ITGB6: variants seen among roughly 807,000 people sequenced by gnomAD.
ITGB6 encodes integrin beta-6.
Under a neutral mutation model 84.5 loss-of-function variants are expected in ITGB6, and 80 were observed. That is an observed-to-expected ratio of 0.95 (90% CI 0.79 to 1.14). The LOEUF (loss-of-function observed/expected upper bound fraction) is 1.14. Ranked by LOEUF, ITGB6 falls within the 50% of genes most tolerant of loss-of-function variation. ITGB6 has a pLI of 0.00. For synonymous variants in ITGB6, 383 were observed against 354.9 expected (o/e 1.08, Z -0.89); for missense variants, 1,006 against 968.0 (o/e 1.04, Z -0.52).
intron 4 of ITGB6, among the ~76,000 whole-genome samples, chr2:160,188,504 C>A (rs992226673): frequency 6.6e-6 from 1 of 152,110 alleles, no homozygotes; most frequent in South Asian, 2.1e-4. Context: ...CTGGTCTCCC[C>A]CTAATCACAC....
intron 10 of ITGB6, among the ~76,000 whole-genome samples, chr2:160,136,303 C>G (rs993662621): frequency 1.2e-4 from 18 of 152,168 alleles, no homozygotes; most frequent in South Asian, 4.1e-4. Flanking sequence ...TGAAAAAATG[C>G]TCATCATCAC....
chr2:160,137,624 A>T lies in ITGB6; in HGVS notation c.1470T>A (p.Cys490Ter). ...ACHPGHMGPR[C>*]ECGEDMLSTD... ...TGCTCAGCATGTCCTCGCCACACTCACAGCGAGGCCCCATGTGGCCAGGGT... is the reference window on the plus strand; with the variant it reads ...TGCTCAGCATGTCCTCGCCACACTCTCAGCGAGGCCCCATGTGGCCAGGGT... The change falls in exon 10 of 15, where the codon TGT (cysteine) becomes TGA (stop). Residue 490 changes from cysteine (C) to a stop codon, truncating the protein, a stop_gained. Coordinates refer to ENST00000283249, the MANE Select transcript of ITGB6 (RefSeq NM_000888.5). LOFTEE classifies it high-confidence loss of function. 1 of 1,614,072 alleles carries T rather than the reference A, an allele frequency of 6.2e-7. No individual in the cohort carries two copies. Among genetic ancestry groups the T allele is most frequent in the Non-Finnish European group, 8.5e-7 (1 of 1,179,928 alleles).
chr2:160,197,626 C>G (rs1686395129), intron 2 of ITGB6, among the ~76,000 whole-genome samples: 1 of 152,206 alleles, frequency 6.6e-6, no homozygotes, highest in Non-Finnish European at 1.5e-5. Context: ...AGTTAGATTT[C>G]TTCTGAAATT....
At chr2:160,141,068 G>C (rs539069324) in intron 8 of ITGB6, among the ~76,000 whole-genome samples, 3 of 152,100 alleles carry the variant, frequency 2.0e-5, no homozygotes, top group Non-Finnish European at 2.9e-5. Context: ...TATTACAGAT[G>C]GGCCTTTTTT....
chr2:160,122,505 C>T (rs1189636920), intron 12 of ITGB6, among the ~76,000 whole-genome samples: 1 of 152,110 alleles, frequency 6.6e-6, no homozygotes, highest in Non-Finnish European at 1.5e-5. Context: ...ATCCCCAGTG[C>T]TTGCTGTGAA....
intron 10 of ITGB6, among the ~76,000 whole-genome samples, chr2:160,131,954 T>C (rs1049763265): frequency 2.6e-5 from 4 of 152,172 alleles, no homozygotes; most frequent in African/African-American, 9.6e-5. Context: ...CAGCATTTTA[T>C]ACTGCCTTAG....
chr2:160,110,366 G>A (rs944942856), intron 13 of ITGB6, among the ~76,000 whole-genome samples: 9 of 152,152 alleles, frequency 5.9e-5, no homozygotes, highest in Non-Finnish European at 1.0e-4. Context: ...TCTGGCAAAT[G>A]GTATTAGGGC....
intron 4 of ITGB6, among the ~76,000 whole-genome samples, chr2:160,182,574 A>T (rs938066968): frequency 6.6e-6 from 1 of 152,204 alleles, no homozygotes; most frequent in Non-Finnish European, 1.5e-5. Context: ...ACTCTTCAGG[A>T]TATTATCCAG....
intron 7 of ITGB6, among the ~76,000 whole-genome samples, chr2:160,150,092 G>T (rs534964012): frequency 2.0e-5 from 3 of 152,018 alleles, no homozygotes; most frequent in African/African-American, 7.3e-5. Context: ...ATTCAAATTC[G>T]GGAAATACAG....
In ITGB6 at chr2:160,126,481, C is replaced by A; in HGVS notation, c.1781G>T (p.Arg594Leu). 6.2e-7 allele frequency: 1 copy of A among 1,614,204 alleles called. No homozygotes were observed. The change falls in exon 11 of 15, where the codon CGC becomes CTC. Residue 594 changes from arginine (R) to leucine (L), a missense_variant. Arg to Leu is a moderately radical substitution (Grantham distance 102). Transcript: ENST00000283249. ...ACACTTGCCACAAACACAGTCCCCG[C>A]GCCCGCTGCAGAGCACTCCATCTTC... Reference protein sequence around the residue: ...VSEDGVLCSGRGDCVCGKCVC... With the variant: ...VSEDGVLCSGLGDCVCGKCVC...
intron 10 of ITGB6, among the ~76,000 whole-genome samples, chr2:160,136,192 T>C (rs1463417187): frequency 6.6e-6 from 1 of 151,796 alleles, no homozygotes; most frequent in Non-Finnish European, 1.5e-5. Context: ...TACAAAGAAC[T>C]CAAACAAATT....
chr2:160,141,883 C>T, intron 8 of ITGB6, 99 bp downstream of exon 8: 1 of 734,464 alleles, frequency 1.4e-6, no homozygotes, highest in East Asian at 2.9e-5. Flanking sequence ...TAAGCACTCT[C>T]TCTACCAACA....
At chr2:160,191,316 C>T (rs930382954) in intron 4 of ITGB6, among the ~76,000 whole-genome samples, 1 of 152,106 alleles carries the variant, frequency 6.6e-6, no homozygotes, top group Admixed American at 6.6e-5. Flanking sequence ...TCCCTAATAA[C>T]AGAATGCTGA....
intron 10 of ITGB6, among the ~76,000 whole-genome samples, chr2:160,129,392 C>CAAAAAAAAAAAAAAA: frequency 7.9e-6 from 1 of 126,822 alleles, no homozygotes; most frequent in Non-Finnish European, 1.6e-5. Context: ...TACTTTTCTT[C>CAAAAAAAAAAAAAAA]AAAAAAAAAA....
intron 7 of ITGB6, among the ~76,000 whole-genome samples, chr2:160,148,875 A>G (rs1011052336): frequency 1.3e-5 from 2 of 152,252 alleles, no homozygotes. Flanking sequence ...TCGATCTGCG[A>G]GACAGCAGCC....
intron 12 of ITGB6, among the ~76,000 whole-genome samples, chr2:160,114,176 A>G (rs1682659451): frequency 6.6e-6 from 1 of 151,562 alleles, no homozygotes; most frequent in South Asian, 2.1e-4. Context: ...TTGAGTCACA[A>G]CTCCCATGTT....
Position 160,180,915 on chromosome 2 carries a change from A to T in ITGB6, c.594-6776T>A, listed in dbSNP as rs1169973941. Among the ~76,000 whole-genome samples the T allele has an allele frequency of 8.5e-5, 13 of 152,292 alleles. No individual in the cohort carries two copies. The East Asian group carries it at 2.5e-3, about 29-fold the overall frequency. On this transcript the variant is annotated intron_variant, in intron 4 of 14. Coordinates refer to ENST00000283249, the MANE Select transcript of ITGB6 (RefSeq NM_000888.5). Reference sequence around the variant, plus strand: ...GGAACTCCCTCCCCTAGCCAAGGGAAGCTGTGAGGGACTGTGCCATGAGGA... The same window carrying T: ...GGAACTCCCTCCCCTAGCCAAGGGATGCTGTGAGGGACTGTGCCATGAGGA...
intron 4 of ITGB6, 125 bp downstream of exon 4, chr2:160,195,244 T>C: frequency 8.1e-7 from 1 of 1,229,768 alleles, no homozygotes; most frequent in Non-Finnish European, 1.1e-6. Context: ...AGAGAACTGC[T>C]GAGATCCAAC....
At position 160,184,974 on chromosome 2, in the gene ITGB6, G is replaced by A. The variant is rs1007730707; in HGVS notation, c.593+10395C>T. 5.3e-5 allele frequency among the ~76,000 whole-genome samples: 8 copies of A among 152,096 alleles called. No individual in the cohort carries two copies. The South Asian group carries it at 1.0e-3, about 20-fold the overall frequency. ...TCAATAAACTAGGTATTGATGGAAC[G>A]TATCTCAAAATAATAAGAGCTGTTC... On this transcript the variant is annotated intron_variant, in intron 4 of 14. Transcript: ENST00000283249.
Sources: gnomAD v4.1 joint callset for allele counts (sites outside exome capture counted in the v4.1 genomes callset) on GRCh38, gnomAD v4.1.1 for gene constraint, MANE v1.5 for transcripts, NCBI Gene and HGNC (gene_info 2026-07-23, HGNC 2026-07-21) for gene names.